The following RBBP7 variants were observed in gnomAD, a reference collection of about 807,000 sequenced individuals.
RBBP7 encodes the protein RB binding protein 7, chromatin remodeling factor.
In RBBP7, 5 loss-of-function variants were observed where a neutral mutation model predicts 35.2. That is an observed-to-expected ratio of 0.14 (90% CI 0.07 to 0.30). The LOEUF (loss-of-function observed/expected upper bound fraction) is 0.30. Ranked by LOEUF, RBBP7 falls within the 10% of genes least tolerant of loss-of-function variation. The pLI is 1.00. For synonymous variants in RBBP7, 140 were observed against 118.7 expected (o/e 1.18, Z -1.17); for missense variants, 155 against 327.5 (o/e 0.47, Z 4.07).
At position 16,852,851 on chromosome X, in the gene RBBP7, G is replaced by T; in HGVS notation, c.783C>A (p.Thr261=). 8.3e-7 allele frequency: 1 copy of T among 1,211,809 alleles called. No homozygotes were observed. The change falls in exon 7 of 12, where the codon ACC becomes ACA. Residue 261 remains threonine, a synonymous_variant. Transcript: ENST00000380087. ...CATCCACCAAGTGACTCGGCTTGGA[G>T]GTGGTATTGGACCTGGTGTCCCATC... ...LMIWDTRSNT[T]SKPSHLVDAH...
chrX:16,869,337 G>T, intron 1 of RBBP7, 117 bp from the exon 2 acceptor site: 1 of 1,063,570 alleles, frequency 9.4e-7, no homozygotes, highest in Non-Finnish European at 1.3e-6. Flanking sequence ...CTCTAATTTG[G>T]ACACGGACAA....
At chrX:16,855,314 A>G (rs1425475340) in intron 5 of RBBP7, among the ~76,000 whole-genome samples, 1 of 112,513 alleles carries the variant, frequency 8.9e-6, no homozygotes, top group East Asian at 2.8e-4. Flanking sequence ...GGCCTCCCAA[A>G]GTGCTGGGAT....
chrX:16,869,380 TAACA>T (rs1250240899), intron 1 of RBBP7, 160 bp from the exon 2 acceptor site: 3 of 1,057,143 alleles, frequency 2.8e-6, no homozygotes, highest in Non-Finnish European at 2.5e-6. Context: ...GAGAAAATAC[TAACA>T]ATCAGGAAGC....
chrX:16,865,784 G>A (rs1160806611), intron 2 of RBBP7, among the ~76,000 whole-genome samples: 3 of 112,250 alleles, frequency 2.7e-5, no homozygotes. Context: ...ATTGTTTATA[G>A]AAGGAAAAAG....
intron 1 of RBBP7, chrX:16,869,725 G>A: frequency 2.0e-6 from 2 of 982,191 alleles, no homozygotes; most frequent in Non-Finnish European, 2.6e-6. Context: ...AAGAGCCGCG[G>A]CGCTCGCTTC....
At chrX:16,850,775 A>G (rs761757559) in intron 9 of RBBP7, among the ~76,000 whole-genome samples, 1 of 112,114 alleles carries the variant, frequency 8.9e-6, no homozygotes, top group Non-Finnish European at 1.9e-5. Context: ...TCCAAAATCC[A>G]AAACTTTAAG....
At position 16,864,050 on chromosome X, in the gene RBBP7, T is replaced by C. The variant is rs191402594; in HGVS notation, c.162-950A>G. On this transcript the variant is annotated intron_variant, in intron 2 of 11. Transcript: ENST00000380087. ...AATTTTTTTTTTTTTTCTAAAAAGA[T>C]TGAAGATTACTTCTAGGCAAGTAAT... is the stretch of plus-strand genomic sequence containing the variant. 6.4e-3 allele frequency among the ~76,000 whole-genome samples: 696 copies of C among 109,144 alleles called. 20 individuals are homozygous for C. Among genetic ancestry groups the C allele is most frequent in the Admixed American group, 0.057 (575 of 10,144 alleles). 94.8% of individuals were successfully genotyped at this position (109,144 alleles called of 115,157 possible).
intron 3 of RBBP7, among the ~76,000 whole-genome samples, chrX:16,861,705 C>T (rs911906768): frequency 3.6e-5 from 4 of 111,363 alleles, no homozygotes; most frequent in Non-Finnish European, 7.5e-5. Context: ...GTGCTAATAG[C>T]GTTAAGCCAT....
intron 10 of RBBP7, 43 bp from the exon 11 acceptor site, chrX:16,845,981 T>C: frequency 8.4e-7 from 1 of 1,183,601 alleles, no homozygotes; most frequent in South Asian, 1.9e-5. Context: ...TATACTCTCC[T>C]GTTAATCCTA....
chrX:16,865,715 T>C (rs771004405), intron 2 of RBBP7, among the ~76,000 whole-genome samples: 6 of 112,257 alleles, frequency 5.3e-5, no homozygotes, highest in Non-Finnish European at 9.4e-5. Context: ...TAACTACCAC[T>C]AGGAAATTTA....
chrX:16,865,828 C>A (rs778882123), intron 2 of RBBP7, among the ~76,000 whole-genome samples: 1 of 112,371 alleles, frequency 8.9e-6, no homozygotes, highest in Non-Finnish European at 1.9e-5. Context: ...CAGCAAGGAA[C>A]TGGTATCATA....
chrX:16,852,908 A>C (rs767427232), intron 6 of RBBP7, 33 bp from the exon 7 acceptor site: 17 of 1,209,268 alleles, frequency 1.4e-5, no homozygotes, highest in South Asian at 1.1e-4. Flanking sequence ...CACGGCACCC[A>C]GGGATGACAC....
chrX:16,854,146 A>G (rs1389208951), intron 5 of RBBP7, among the ~76,000 whole-genome samples: 1 of 112,053 alleles, frequency 8.9e-6, no homozygotes, highest in African/African-American at 3.2e-5. Context: ...GGCCTCCCAA[A>G]GTGCTGGGAC....
intron 9 of RBBP7, among the ~76,000 whole-genome samples, chrX:16,849,872 A>G (rs1930174037): frequency 8.9e-6 from 1 of 112,429 alleles, no homozygotes; most frequent in Non-Finnish European, 1.9e-5. Context: ...CTGTCTAAAG[A>G]TATGGCAATA....
chrX:16,866,571 C>CAAAAAA (rs1930627726), intron 2 of RBBP7, among the ~76,000 whole-genome samples: 1 of 92,853 alleles, frequency 1.1e-5, no homozygotes, highest in African/African-American at 4.2e-5. Flanking sequence ...AGAAAGAAAG[C>CAAAAAA]AAGAAAGCAA....
intron 5 of RBBP7, among the ~76,000 whole-genome samples, chrX:16,855,994 T>C (rs1336694596): frequency 1.0e-4 from 1 of 9,940 alleles, no homozygotes; most frequent in African/African-American, 5.3e-4. Context: ...AGACCTTGTC[T>C]CAAAAAAAAA....
intron 1 of RBBP7, chrX:16,869,558 G>A (rs1224431387): frequency 3.4e-6 from 4 of 1,164,826 alleles, no homozygotes; most frequent in East Asian, 6.5e-5. Flanking sequence ...ACAAATGCAC[G>A]TGTAGCAGAA....
At chrX:16,867,626 C>G (rs1473731108) in intron 2 of RBBP7, among the ~76,000 whole-genome samples, 1 of 111,074 alleles carries the variant, frequency 9.0e-6, no homozygotes, top group East Asian at 2.8e-4. Context: ...ATATGGAGAA[C>G]CCGGCCACTG....
intron 4 of RBBP7, among the ~76,000 whole-genome samples, chrX:16,858,120 T>C (rs747494637): frequency 1.8e-5 from 2 of 111,361 alleles, no homozygotes; most frequent in Admixed American, 9.6e-5. Context: ...TGATAAAGTT[T>C]TGTAAGCCCA....
Sources: allele counts gnomAD v4.1 joint callset (sites outside exome capture counted in the v4.1 genomes callset), GRCh38; gene constraint gnomAD v4.1.1; transcripts MANE v1.5; gene names NCBI Gene and HGNC (gene_info 2026-07-23, HGNC 2026-07-21).